Variants in CDH13 observed in about 807,000 individuals in gnomAD.
The protein encoded by CDH13 is cadherin-13.
CDH13 carries 24 observed loss-of-function variants against 63.8 expected under a neutral mutation model. The observed-to-expected ratio is 0.38, with a 90% CI of 0.27 to 0.53. The LOEUF is 0.53. CDH13 is among the 20% of genes least tolerant of loss of function. CDH13 has a pLI of 0.85. For synonymous variants in CDH13, 503 were observed against 355.3 expected (o/e 1.42, Z -4.67); for missense variants, 1,049 against 903.1 (o/e 1.16, Z -2.07).
intron 1 of CDH13, among the ~76,000 whole-genome samples, chr16:82,789,584 G>A (rs1026982557): frequency 3.3e-5 from 5 of 152,208 alleles, no homozygotes; most frequent in African/African-American, 1.2e-4. Context: ...GGCTGCACAA[G>A]GATAGAAACA....
intron 8 of CDH13, among the ~76,000 whole-genome samples, chr16:83,658,650 A>G: frequency 6.6e-6 from 1 of 151,422 alleles, no homozygotes; most frequent in Non-Finnish European, 1.5e-5. Context: ...CCTCACCACC[A>G]GGTCCCATAT....
chr16:83,366,586 C>G (rs899725138), intron 6 of CDH13, among the ~76,000 whole-genome samples: 1 of 152,200 alleles, frequency 6.6e-6, no homozygotes, highest in African/African-American at 2.4e-5. Context: ...AAGCTACCAT[C>G]ATTAAGGAAG....
At chr16:82,773,334 G>A (rs543125228) in intron 1 of CDH13, 1 of 152,368 alleles carries the variant, frequency 6.6e-6, no homozygotes, top group South Asian at 2.1e-4. Flanking sequence ...TCCCTGGATT[G>A]ATGTAGTAGC....
At chr16:82,736,519 A>C (rs972226395) in intron 1 of CDH13, among the ~76,000 whole-genome samples, 1 of 152,184 alleles carries the variant, frequency 6.6e-6, no homozygotes, top group Non-Finnish European at 1.5e-5. Context: ...TGCCACACAC[A>C]GACATAAGAG....
chr16:83,587,164 G>A (rs546069322), intron 7 of CDH13, among the ~76,000 whole-genome samples: 2 of 152,272 alleles, frequency 1.3e-5, no homozygotes, highest in African/African-American at 4.8e-5. Context: ...ACCCTGCATG[G>A]CAAAATTTGA....
At chr16:82,836,700 C>G (rs1456072430) in intron 1 of CDH13, among the ~76,000 whole-genome samples, 2 of 152,164 alleles carry the variant, frequency 1.3e-5, no homozygotes, top group Admixed American at 6.5e-5. Context: ...CCTGCTGATG[C>G]CGACTTCCTG....
intron 6 of CDH13, among the ~76,000 whole-genome samples, chr16:83,370,445 T>A (rs115852002): frequency 0.013 from 1,928 of 150,386 alleles, 21 homozygotes; most frequent in African/African-American, 0.021. Flanking sequence ...ATTCTTCCTT[T>A]ACCTGTACCT....
intron 6 of CDH13, among the ~76,000 whole-genome samples, chr16:83,457,123 C>G (rs1017480074): frequency 6.6e-6 from 1 of 152,186 alleles, no homozygotes; most frequent in African/African-American, 2.4e-5. Flanking sequence ...CACCTGGGCA[C>G]CGGCCCAAGC....
intron 1 of CDH13, among the ~76,000 whole-genome samples, chr16:82,844,146 GAAGT>G (rs1475369145): frequency 2.0e-5 from 3 of 152,164 alleles, no homozygotes; most frequent in African/African-American, 7.2e-5. Flanking sequence ...TTACAGAAGG[GAAGT>G]AGGAGGAGCC....
At chr16:83,036,796 G>A (rs1271763885) in intron 3 of CDH13, among the ~76,000 whole-genome samples, 2 of 152,122 alleles carry the variant, frequency 1.3e-5, no homozygotes, top group Non-Finnish European at 2.9e-5. Flanking sequence ...TCTCAGGCAG[G>A]AAATCTGCAG....
chr16:82,629,051 C>G (rs1253683840), intron 1 of CDH13, among the ~76,000 whole-genome samples: 1 of 152,216 alleles, frequency 6.6e-6, no homozygotes, highest in African/African-American at 2.4e-5. Flanking sequence ...CTCTTTCTTT[C>G]TTGGCAGGTT....
intron 4 of CDH13, among the ~76,000 whole-genome samples, chr16:83,192,937 A>G (rs1479957091): frequency 2.0e-5 from 3 of 152,022 alleles, no homozygotes; most frequent in Admixed American, 2.0e-4. Context: ...CACAGAAACA[A>G]TTTCTCTTAA....
chr16:83,069,231 C>A (rs1597266708), intron 3 of CDH13, among the ~76,000 whole-genome samples: 1 of 152,254 alleles, frequency 6.6e-6, no homozygotes, highest in East Asian at 1.9e-4. Flanking sequence ...TCAGATGAGG[C>A]CACCCTTATT....
At chr16:83,102,965 T>TTTTTTTTGTTTC (rs2034570357) in intron 3 of CDH13, among the ~76,000 whole-genome samples, 1 of 107,836 alleles carries the variant, frequency 9.3e-6, no homozygotes, top group Non-Finnish European at 1.8e-5. Context: ...TTTTTTTTTT[T>TTTTTTTTGTTTC]TTTTTGAGGT....
At chr16:83,329,010 G>A (rs1265935823) in intron 5 of CDH13, among the ~76,000 whole-genome samples, 2 of 152,152 alleles carry the variant, frequency 1.3e-5, no homozygotes, top group African/African-American at 4.8e-5. Flanking sequence ...ACCAGGGATA[G>A]TCTCTACTGG....
chr16:83,276,018 A>T (rs140391613), intron 5 of CDH13, among the ~76,000 whole-genome samples: 18 of 152,330 alleles, frequency 1.2e-4, no homozygotes, highest in African/African-American at 4.3e-4. Context: ...GAAAAAATGT[A>T]CAAGGAAAGG....
At chr16:83,074,915 A>C (rs532093357) in intron 3 of CDH13, among the ~76,000 whole-genome samples, 1 of 152,344 alleles carries the variant, frequency 6.6e-6, no homozygotes, top group South Asian at 2.1e-4. Context: ...TTGGTGTCCA[A>C]CACTTATAAT....
intron 2 of CDH13, among the ~76,000 whole-genome samples, chr16:82,927,851 T>G (rs1003570069): frequency 6.6e-6 from 1 of 152,102 alleles, no homozygotes; most frequent in African/African-American, 2.4e-5. Context: ...TGCTAATGAG[T>G]TACTGAATAT....
At chr16:83,314,717 G>C (rs17282232) in intron 5 of CDH13, among the ~76,000 whole-genome samples, 12,327 of 152,252 alleles carry the variant, frequency 0.081, 700 homozygotes, top group Non-Finnish European at 0.12. Flanking sequence ...CTTAATAGGC[G>C]ATTTTACTGA....
Sources: allele counts gnomAD v4.1 joint callset (sites outside exome capture counted in the v4.1 genomes callset), GRCh38; gene constraint gnomAD v4.1.1; transcripts MANE v1.5; gene names NCBI Gene and HGNC (gene_info 2026-07-23, HGNC 2026-07-21).